Variants in DKK3 observed in about 807,000 individuals in gnomAD.
DKK3 encodes the protein dickkopf-related protein 3.
A neutral mutation model predicts 33.2 loss-of-function variants in DKK3; 22 were observed. That is an observed-to-expected ratio of 0.66 (90% CI 0.47 to 0.95). The LOEUF is 0.95. Among genes scored for constraint, DKK3 ranks in the 40% least tolerant of loss-of-function variants. The pLI is 0.00. For missense variants in DKK3, 398 were observed against 458.4 expected, an observed-to-expected ratio of 0.87 and a Z score of 1.20; for synonymous variants, 194 against 188.8, an observed-to-expected ratio of 1.03 and a Z score of -0.23.
intron 3 of DKK3, among the ~76,000 whole-genome samples, chr11:11,969,946 G>T (rs1166223289): frequency 6.6e-6 from 1 of 152,336 alleles, no homozygotes; most frequent in African/African-American, 2.4e-5. Flanking sequence ...GTGAACGGCC[G>T]CCCAAGTGAA....
chr11:11,985,445 A>T (rs879275247), intron 3 of DKK3, among the ~76,000 whole-genome samples: 18 of 152,286 alleles, frequency 1.2e-4, no homozygotes, highest in South Asian at 8.3e-4. Context: ...ATAAAACCTA[A>T]CCAGTTATGT....
At chr11:11,997,316 G>A (rs925309823) in intron 3 of DKK3, among the ~76,000 whole-genome samples, 1 of 151,988 alleles carries the variant, frequency 6.6e-6, no homozygotes, top group African/African-American at 2.4e-5. Context: ...CTACAACTCT[G>A]CTCAGGCCTC....
rs754618779 is a variant in DKK3, at chr11:11,998,731, T to A, written c.400A>T (p.Thr134Ser). ...CTGCCTTCTTCGTCTCCCACAGATG[T>A]GATAACTGTCTCTGAAAAGACCATT... ...GQMVFSETVI[T>S]SVGDEEGRRS... The change falls in exon 3 of 7, where the codon ACA (threonine) becomes TCA (serine). Residue 134 changes from threonine (T) to serine (S), a missense_variant. By Grantham distance (58) the Thr-to-Ser change is moderately conservative. Transcript: ENST00000683431. The A allele has an allele frequency of 2.5e-6, 4 of 1,614,226 alleles. No individual in the cohort carries two copies. Among genetic ancestry groups the A allele is most frequent in the Non-Finnish European group, 2.5e-6 (3 of 1,180,046 alleles).
rs59259850 is a variant in DKK3, at chr11:12,003,736, A to AT, written c.214-1300dup. On this transcript the variant is annotated intron_variant, in intron 1 of 6. Transcript: ENST00000683431. ...CTATTTTTGACTATGGGCTATTTTT[A>AT]TTTTTTTTTTTAAAAAAAGAATGCT... Among the ~76,000 whole-genome samples, 144 of 146,426 alleles carry AT rather than the reference A, an allele frequency of 9.8e-4. 2 individuals are homozygous for AT. Among genetic ancestry groups the AT allele is most frequent in the East Asian group, 3.4e-3 (17 of 5,042 alleles).
intron 3 of DKK3, among the ~76,000 whole-genome samples, chr11:11,982,401 A>G (rs1590523023): frequency 6.6e-6 from 1 of 152,102 alleles, no homozygotes; most frequent in African/African-American, 2.4e-5. Flanking sequence ...GAAGGGTGGT[A>G]CCTGCTCTAC....
In DKK3 at chr11:11,963,842, AC is replaced by A. The variant is rs769818616; in HGVS notation, c.*621del. The A allele has an allele frequency of 4.6e-5, 7 of 152,610 alleles. No individual in the cohort carries two copies. Among genetic ancestry groups the A allele is most frequent in the African/African-American group, 1.7e-4 (7 of 41,256 alleles). The allele number at this position is 152,610 out of a possible 1,614,324, so 9.5% of individuals were successfully genotyped here. On this transcript the variant is annotated 3_prime_UTR_variant, in exon 7 of 7. Transcript: ENST00000683431. ...TCCCTGATGGACGAGGAGAACAATG[AC>A]CCCCTCCCCAGGCTGTGCTGAGAGA...
intron 3 of DKK3, chr11:11,998,053 T>G (rs1445506663): frequency 6.6e-6 from 1 of 152,540 alleles, no homozygotes; most frequent in Non-Finnish European, 1.5e-5. Flanking sequence ...GAGCCACCTC[T>G]GGTCTGGGAG....
Position 11,964,293 on chromosome 11 carries a change from C to CA in DKK3, c.*170dup. On this transcript the variant is annotated 3_prime_UTR_variant, in exon 7 of 7. Coordinates refer to ENST00000683431, the MANE Select transcript of DKK3 (RefSeq NM_001018057.2). Reference sequence around the variant, plus strand: ...GCACCAGACTGTGAAGCCTGGAGAACAGCCTGGGGGAGCTGAACAAATGCA... The same window carrying CA: ...GCACCAGACTGTGAAGCCTGGAGAACAAGCCTGGGGGAGCTGAACAAATGCA... 2.3e-6 allele frequency: 2 copies of CA among 852,616 alleles called. No individual in the cohort carries two copies. The highest frequency in any genetic ancestry group is 3.6e-6 in the Non-Finnish European group (2 of 550,986). 52.8% of individuals were successfully genotyped at this position (852,616 alleles called of 1,614,324 possible). A position where few individuals can be genotyped will look rare whatever the true frequency, so the allele number is the denominator to read the frequency against.
At chr11:11,966,094 A>G (rs542956363) in intron 5 of DKK3, 129 bp from the exon 6 acceptor site, 37 of 1,167,764 alleles carry the variant, frequency 3.2e-5, no homozygotes, top group Non-Finnish European at 4.1e-5. Flanking sequence ...CTAGTTTTGA[A>G]GATACGGAAT....
At chr11:11,984,875 GC>G (rs1278005773) in intron 3 of DKK3, among the ~76,000 whole-genome samples, 1 of 151,998 alleles carries the variant, frequency 6.6e-6, no homozygotes, top group Non-Finnish European at 1.5e-5. Flanking sequence ...TCTTTCTTTT[GC>G]CCCCAACACT....
Position 11,964,403 on chromosome 11 carries a change from C to T in DKK3, c.*61G>A. 6.3e-7 allele frequency: 1 copy of T among 1,576,202 alleles called. No homozygotes were observed. The highest frequency in any genetic ancestry group is 8.6e-7 in the Non-Finnish European group (1 of 1,165,724). On this transcript the variant is annotated 3_prime_UTR_variant, in exon 7 of 7. Transcript: ENST00000683431. ...GCCTGGTCAGCCCACGCCTAAAGCACACACCTGGGGAAATAAATTAGCTAT... is the reference window on the plus strand; with the variant it reads ...GCCTGGTCAGCCCACGCCTAAAGCATACACCTGGGGAAATAAATTAGCTAT...
At position 11,967,191 on chromosome 11, in the gene DKK3, T is replaced by C. The variant is rs1847618738; in HGVS notation, c.529-93A>G. 4 of 1,448,906 alleles carry C rather than the reference T, an allele frequency of 2.8e-6. No individual in the cohort carries two copies. The Admixed American group carries it at 6.1e-5, about 22-fold the overall frequency. The allele number at this position is 1,448,906 out of a possible 1,614,324, so 89.8% of individuals were successfully genotyped here. A position where few individuals can be genotyped will look rare whatever the true frequency, so the allele number is the denominator to read the frequency against. On this transcript the variant is annotated intron_variant, in intron 4 of 6. Coordinates refer to ENST00000683431, the MANE Select transcript of DKK3 (RefSeq NM_001018057.2). Reference sequence around the variant, plus strand: ...TGAAGATACCACAGATAGGCCAACCTGCATCCTCCCATTGTAGAGACAGGC... The same window carrying C: ...TGAAGATACCACAGATAGGCCAACCCGCATCCTCCCATTGTAGAGACAGGC...
intron 3 of DKK3, chr11:11,998,454 T>C (rs1339116933): frequency 2.4e-5 from 14 of 590,160 alleles, no homozygotes; most frequent in Non-Finnish European, 4.2e-5. Context: ...AGATGGGCCA[T>C]GCAAATGACC....
At chr11:11,968,959 A>T (rs933924751) in intron 3 of DKK3, among the ~76,000 whole-genome samples, 4 of 152,196 alleles carry the variant, frequency 2.6e-5, no homozygotes, top group African/African-American at 9.6e-5. Flanking sequence ...AGAAAGCCAC[A>T]GCCCTGCCCA....
chr11:11,984,661 A>G (rs1848027019), intron 3 of DKK3, among the ~76,000 whole-genome samples: 1 of 151,448 alleles, frequency 6.6e-6, no homozygotes, highest in African/African-American at 2.4e-5. Flanking sequence ...CCTTTAAAAA[A>G]AAAAAAAAAA....
At chr11:11,981,881 C>T (rs1038287244) in intron 3 of DKK3, among the ~76,000 whole-genome samples, 1 of 150,894 alleles carries the variant, frequency 6.6e-6, no homozygotes, top group African/African-American at 2.5e-5. Context: ...TATTATCATC[C>T]ATGGCTAGGC....
chr11:11,966,831 T>C, intron 5 of DKK3, 123 bp downstream of exon 5: 1 of 1,374,358 alleles, frequency 7.3e-7, no homozygotes, highest in East Asian at 2.3e-5. Context: ...TGATGAGCAT[T>C]TGGGAGCCTA....
intron 3 of DKK3, chr11:11,979,062 G>A (rs1314066588): frequency 6.6e-6 from 1 of 152,298 alleles, no homozygotes; most frequent in Non-Finnish European, 1.5e-5. Context: ...CAGCTACAGA[G>A]GTGGGGAACA....
rs1590535829 is a variant in DKK3, at chr11:11,990,332, G to A, written c.435+8364C>T. 4.6e-5 allele frequency among the ~76,000 whole-genome samples: 7 copies of A among 152,326 alleles called. No individual in the cohort carries two copies. The South Asian group carries it at 1.4e-3, about 32-fold the overall frequency. The stretch of plus-strand genomic sequence containing the variant: ...CTGTCACTTATCTGTCCTGTCTACT[G>A]GCACCAAGCAAAAGCAAAGTGCTCC... On this transcript the variant is annotated intron_variant, in intron 3 of 6. Coordinates refer to ENST00000683431, the MANE Select transcript of DKK3 (RefSeq NM_001018057.2).
Sources: gnomAD v4.1 joint callset for allele counts (sites outside exome capture counted in the v4.1 genomes callset) on GRCh38, gnomAD v4.1.1 for gene constraint, MANE v1.5 for transcripts, NCBI Gene and HGNC (gene_info 2026-07-23, HGNC 2026-07-21) for gene names.